The following GORAB variants were observed in gnomAD, a reference collection of about 807,000 sequenced individuals.
GORAB encodes the protein golgin, RAB6 interacting.
Under a neutral mutation model 29.9 loss-of-function variants are expected in GORAB, and 17 were observed. That is an observed-to-expected ratio of 0.57 (90% CI 0.39 to 0.85). The LOEUF (loss-of-function observed/expected upper bound fraction) is 0.85. Among genes scored for constraint, GORAB ranks in the 40% least tolerant of loss-of-function variants. GORAB has a pLI of 0.00. For synonymous variants in GORAB, 183 were observed against 157.2 expected (o/e 1.16, Z -1.23); for missense variants, 442 against 437.8 (o/e 1.01, Z -0.09).
rs760576900 is a variant in GORAB at position 170,552,142 on chromosome 1, G to T, written c.790G>T (p.Ala264Ser). 3.7e-6 allele frequency: 6 copies of T among 1,614,004 alleles called. No homozygotes were observed. Among genetic ancestry groups the T allele is most frequent in the Non-Finnish European group, 3.4e-6 (4 of 1,179,982 alleles). ...TIIQQNELRK[A>S]KKLEELMQQL... ...CATACAGCAAAATGAGCTCCGAAAG[G>T]CCAAGAAGTTGGAGGAGTTGATGCA... Residue 264 changes from alanine (A) to serine (S), a missense_variant, in exon 5 of 5, where the codon GCC (alanine) becomes TCC (serine). Physicochemically the swap from Ala to Ser is moderately conservative, Grantham distance 99 (BLOSUM62 1). Transcript: ENST00000367763.
chr1:170,552,726 G>A lies in GORAB; in HGVS notation c.*264G>A, dbSNP rs376379012. The A allele has an allele frequency of 5.2e-5, 27 of 519,840 alleles. No individual in the cohort carries two copies. Among genetic ancestry groups the A allele is most frequent in the African/African-American group, 5.1e-4 (27 of 52,604 alleles). The allele number at this position is 519,840 out of a possible 1,614,324, so 32.2% of individuals were successfully genotyped here. On this transcript the variant is annotated 3_prime_UTR_variant, in exon 5 of 5. Coordinates refer to ENST00000367763, the MANE Select transcript of GORAB (RefSeq NM_152281.3). ...TTTACTGAAAGTAAGTGACTTAAAAGGATGGAAGAAAAACTACATGGTTGG... is the reference window on the plus strand; with the variant it reads ...TTTACTGAAAGTAAGTGACTTAAAAAGATGGAAGAAAAACTACATGGTTGG...
At chr1:170,542,207 G>A (rs1308190829) in intron 2 of GORAB, among the ~76,000 whole-genome samples, 1 of 152,112 alleles carries the variant, frequency 6.6e-6, no homozygotes, top group Non-Finnish European at 1.5e-5. Context: ...ACATGCCACA[G>A]TATTCTGGCT....
rs1650276299 is a variant in GORAB, at chr1:170,553,743, ATAGT to A, written c.*1283_*1286del. 2.2e-6 allele frequency: 1 copy of A among 452,456 alleles called. No homozygotes were observed. The highest frequency in any genetic ancestry group is 6.9e-5 in the East Asian group (1 of 14,400). The allele number at this position is 452,456 out of a possible 1,614,324, so 28.0% of individuals were successfully genotyped here. A position where few individuals can be genotyped will look rare whatever the true frequency, so the allele number is the denominator to read the frequency against. On this transcript the variant is annotated 3_prime_UTR_variant, in exon 5 of 5. Coordinates refer to ENST00000367763, the MANE Select transcript of GORAB (RefSeq NM_152281.3). ...TCTCTAAACAGAAGCATTTCTATAG[ATAGT>A]TGTGCTTTTATTTATGAAATACATA...
chr1:170,542,494 A>G lies in GORAB; in HGVS notation c.423A>G (p.Gln141=). Residue 141 remains glutamine, a synonymous_variant, in exon 3 of 5, where the codon CAA becomes CAG. Transcript: ENST00000367763. ...TTATGCTTTTTTTGCCCCCTAGGCAAGAAAAATCTCGTTGGGAAGTCCTCC... is the reference window on the plus strand; with the variant it reads ...TTATGCTTTTTTTGCCCCCTAGGCAGGAAAAATCTCGTTGGGAAGTCCTCC... ...CKLEKKKVEL[Q]EKSRWEVLQQ... 1.9e-6 allele frequency: 3 copies of G among 1,612,106 alleles called. No individual in the cohort carries two copies. Among genetic ancestry groups the G allele is most frequent in the African/African-American group, 2.7e-5 (2 of 75,006 alleles).
chr1:170,546,212 A>C (rs1649751764), intron 4 of GORAB, among the ~76,000 whole-genome samples: 1 of 152,068 alleles, frequency 6.6e-6, no homozygotes, highest in Non-Finnish European at 1.5e-5. Flanking sequence ...AACACGGTGA[A>C]ACTTCATCTG....
rs781408413 is a variant in GORAB at position 170,539,382 on chromosome 1, A to G, written c.234A>G (p.Pro78=). The change falls in exon 2 of 5, where the codon CCA becomes CCG. Residue 78 remains proline, a synonymous_variant. Transcript: ENST00000367763. ...AACAGAGAGTTAACGTTCAAAAACCACCTTTTTCTTCCCCTACTCTTCCGA... is the reference window on the plus strand; with the variant it reads ...AACAGAGAGTTAACGTTCAAAAACCGCCTTTTTCTTCCCCTACTCTTCCGA... ...APKQRVNVQK[P]PFSSPTLPSH... is the part of the protein sequence containing the mutation. 12 of 1,613,770 alleles carry G rather than the reference A, an allele frequency of 7.4e-6. No individual in the cohort carries two copies. Among genetic ancestry groups the G allele is most frequent in the Non-Finnish European group, 1.0e-5 (12 of 1,179,938 alleles).
chr1:170,540,509 T>C (rs1649349487), intron 2 of GORAB, among the ~76,000 whole-genome samples: 1 of 152,166 alleles, frequency 6.6e-6, no homozygotes, highest in Non-Finnish European at 1.5e-5. Flanking sequence ...ATCCTGTGAA[T>C]TTAAAATGTT....
In GORAB at chr1:170,552,930, GA is replaced by G. The variant is rs1266236515; in HGVS notation, c.*474del. The G allele has an allele frequency of 6.7e-6, 3 of 449,200 alleles. No homozygotes were observed. Among genetic ancestry groups the G allele is most frequent in the East Asian group, 7.0e-5 (1 of 14,378 alleles). The allele number at this position is 449,200 out of a possible 1,614,324, so 27.8% of individuals were successfully genotyped here. A position where few individuals can be genotyped will look rare whatever the true frequency, so the allele number is the denominator to read the frequency against. On this transcript the variant is annotated 3_prime_UTR_variant, in exon 5 of 5. Transcript: ENST00000367763. ...GAACAAGAGAAAAACAGGAATAGAAGAAAAAAGTTGCAGGTTGAATTATCTA... is the reference window on the plus strand; with the variant it reads ...GAACAAGAGAAAAACAGGAATAGAAGAAAAAGTTGCAGGTTGAATTATCTA...
chr1:170,540,837 T>C (rs1649369910), intron 2 of GORAB, among the ~76,000 whole-genome samples: 1 of 152,194 alleles, frequency 6.6e-6, no homozygotes, highest in Admixed American at 6.5e-5. Flanking sequence ...CTAGAGAATG[T>C]TCAGAGATGA....
chr1:170,533,064 G>T (rs560678979), intron 1 of GORAB, among the ~76,000 whole-genome samples: 35 of 152,268 alleles, frequency 2.3e-4, no homozygotes, highest in African/African-American at 8.4e-4. Context: ...TTGAAATTTC[G>T]CAGTGATCTG....
intron 3 of GORAB, among the ~76,000 whole-genome samples, chr1:170,543,684 A>T (rs1475717536): frequency 2.0e-5 from 3 of 147,846 alleles, no homozygotes. Flanking sequence ...GCATTTTAGT[A>T]GTCTTCAATT....
At position 170,553,684 on chromosome 1, in the gene GORAB, T is replaced by G; in HGVS notation, c.*1222T>G. 2.2e-6 allele frequency: 1 copy of G among 450,238 alleles called. No homozygotes were observed. The highest frequency in any genetic ancestry group is 1.6e-5 in the South Asian group (1 of 62,800). 27.9% of individuals were successfully genotyped at this position (450,238 alleles called of 1,614,324 possible). A position where few individuals can be genotyped will look rare whatever the true frequency, so the allele number is the denominator to read the frequency against. On this transcript the variant is annotated 3_prime_UTR_variant, in exon 5 of 5. Coordinates refer to ENST00000367763, the MANE Select transcript of GORAB (RefSeq NM_152281.3). The stretch of plus-strand genomic sequence containing the variant: ...AGCTTTATATTTTTATATTATGTAA[T>G]TTGAGTTGAAAGTATAACATTTTAC...
chr1:170,532,495 T>C (rs1233705894), intron 1 of GORAB: 2 of 570,020 alleles, frequency 3.5e-6, no homozygotes, highest in African/African-American at 3.8e-5. Flanking sequence ...GATCTTCTTT[T>C]AGAAAAAACG....
chr1:170,553,757 A>T lies in GORAB; in HGVS notation c.*1295A>T, dbSNP rs1326466091. On this transcript the variant is annotated 3_prime_UTR_variant, in exon 5 of 5. Coordinates refer to ENST00000367763, the MANE Select transcript of GORAB (RefSeq NM_152281.3). ...CATTTCTATAGATAGTTGTGCTTTTATTTATGAAATACATAAAAGCCAACA... is the reference window on the plus strand; with the variant it reads ...CATTTCTATAGATAGTTGTGCTTTTTTTTATGAAATACATAAAAGCCAACA... 1 of 452,896 alleles carries T rather than the reference A, an allele frequency of 2.2e-6. No homozygotes were observed. The highest frequency in any genetic ancestry group is 4.4e-6 in the Non-Finnish European group (1 of 226,578). The allele number at this position is 452,896 out of a possible 1,614,324, so 28.1% of individuals were successfully genotyped here.
intron 4 of GORAB, among the ~76,000 whole-genome samples, chr1:170,546,355 A>C (rs1571255369): frequency 6.6e-6 from 1 of 151,926 alleles, no homozygotes; most frequent in South Asian, 2.1e-4. Context: ...GCGCCACTGC[A>C]CTCCAGCCTG....
At chr1:170,545,369 AT>A (rs1649691927) in intron 4 of GORAB, 1 of 960,024 alleles carries the variant, frequency 1.0e-6, no homozygotes. Context: ...AATTTGAAAT[AT>A]TTTCTCTTTT....
At chr1:170,532,322 C>A in intron 1 of GORAB, 38 bp downstream of exon 1, 1 of 1,606,800 alleles carries the variant, frequency 6.2e-7, no homozygotes, top group South Asian at 1.1e-5. Context: ...ATTCTTGGGT[C>A]TTAAGGGGAA....
Position 170,553,314 on chromosome 1 carries a change from C to A in GORAB, c.*852C>A, listed in dbSNP as rs1190557927. 2.2e-6 allele frequency: 1 copy of A among 451,758 alleles called. No individual in the cohort carries two copies. Among genetic ancestry groups the A allele is most frequent in the South Asian group, 1.6e-5 (1 of 63,274 alleles). The allele number at this position is 451,758 out of a possible 1,614,324, so 28.0% of individuals were successfully genotyped here. ...TTTTTGATATGTTGGACATGAATTA[C>A]CCTGTCATGAAGCGTTTAAATTGTT... On this transcript the variant is annotated 3_prime_UTR_variant, in exon 5 of 5. Coordinates refer to ENST00000367763, the MANE Select transcript of GORAB (RefSeq NM_152281.3).
chr1:170,534,807 C>G (rs1648952807), intron 1 of GORAB, among the ~76,000 whole-genome samples: 2 of 152,076 alleles, frequency 1.3e-5, no homozygotes, highest in South Asian at 4.1e-4. Context: ...AATTGCCTTA[C>G]AACACATTTC....
Sources: gnomAD v4.1 joint callset for allele counts (sites outside exome capture counted in the v4.1 genomes callset) on GRCh38, gnomAD v4.1.1 for gene constraint, MANE v1.5 for transcripts, NCBI Gene and HGNC (gene_info 2026-07-23, HGNC 2026-07-21) for gene names.